Variants in GPD1L observed in about 807,000 individuals in gnomAD.
GPD1L encodes the protein glycerol-3-phosphate dehydrogenase 1-like protein.
Under a neutral mutation model 32.9 loss-of-function variants are expected in GPD1L, and 17 were observed. The ratio of observed to expected loss-of-function variants is 0.52; its 90% CI spans 0.35 to 0.78. GPD1L has a LOEUF of 0.78. Ranked by LOEUF, GPD1L falls within the 30% of genes least tolerant of loss-of-function variation. The probability of loss-of-function intolerance (pLI) is 0.01; values close to 1 mark genes in which losing one functional copy is unlikely to be tolerated. For missense variants in GPD1L, 361 were observed against 447.8 expected (o/e 0.81, Z 1.75); for synonymous variants, 187 against 165.9 (o/e 1.13, Z -0.98).
Position 32,128,251 on chromosome 3 carries a change from G to A in GPD1L, c.223G>A (p.Val75Met), listed in dbSNP as rs752302433. 6.2e-7 allele frequency: 1 copy of A among 1,612,820 alleles called. No homozygotes were observed. Among genetic ancestry groups the A allele is most frequent in the Non-Finnish European group, 8.5e-7 (1 of 1,178,896 alleles). The change falls in exon 2 of 8, where the codon GTG (valine) becomes ATG (methionine). Residue 75 changes from valine to methionine, a missense_variant and splice_region_variant. By Grantham distance (21) the Val-to-Met change is conservative. Transcript: ENST00000282541. ...TCCTGGACACAAGCTGCCAGAAAAT[G>A]TGGTAAGACTTTGGGGTGAAATGTA... ...YLPGHKLPEN[V>M]VAMSNLSEAV...
chr3:32,118,940 T>C (rs1254535999), intron 1 of GPD1L, among the ~76,000 whole-genome samples: 1 of 152,240 alleles, frequency 6.6e-6, no homozygotes, highest in Admixed American at 6.5e-5. Flanking sequence ...TTGTAACGTA[T>C]GTCAGAATTT....
At chr3:32,113,164 C>CT (rs34415495) in intron 1 of GPD1L, among the ~76,000 whole-genome samples, 62,676 of 151,896 alleles carry the variant, frequency 0.41, 14,683 homozygotes, top group East Asian at 0.64. Context: ...ATCCCTTCTC[C>CT]TATAGATATG....
chr3:32,161,218 A>T (rs1701069967), intron 7 of GPD1L, among the ~76,000 whole-genome samples: 1 of 152,160 alleles, frequency 6.6e-6, no homozygotes, highest in South Asian at 2.1e-4. Flanking sequence ...GGAGTTCTGT[A>T]CTGAAAGTTA....
chr3:32,143,973 C>A (rs1408878528), intron 4 of GPD1L, among the ~76,000 whole-genome samples: 1 of 152,088 alleles, frequency 6.6e-6, no homozygotes, highest in Non-Finnish European at 1.5e-5. Flanking sequence ...CAGAGCAAGA[C>A]CTTGTCTCTA....
At chr3:32,163,471 T>C (rs1701102274) in intron 7 of GPD1L, among the ~76,000 whole-genome samples, 1 of 152,182 alleles carries the variant, frequency 6.6e-6, no homozygotes, top group Non-Finnish European at 1.5e-5. Context: ...CCCAGGCCTC[T>C]GGTTTGTCAT....
chr3:32,161,671 C>T (rs1024747263), intron 7 of GPD1L, among the ~76,000 whole-genome samples: 17 of 152,134 alleles, frequency 1.1e-4, no homozygotes, highest in Non-Finnish European at 1.9e-4. Context: ...ACTAGAATTG[C>T]GATTCTGGGG....
At chr3:32,114,697 C>T (rs145357552) in intron 1 of GPD1L, among the ~76,000 whole-genome samples, 9,541 of 151,918 alleles carry the variant, frequency 0.063, 307 homozygotes, top group Middle Eastern at 0.11. Context: ...AATGAAGCCG[C>T]GGACCCTCAC....
At chr3:32,125,379 C>G (rs1002063979) in intron 1 of GPD1L, among the ~76,000 whole-genome samples, 2 of 152,248 alleles carry the variant, frequency 1.3e-5, no homozygotes, top group East Asian at 3.8e-4. Context: ...CAGGCTCACT[C>G]ATGTGTCTGC....
intron 1 of GPD1L, among the ~76,000 whole-genome samples, chr3:32,126,318 A>T (rs1299380989): frequency 6.6e-6 from 1 of 152,228 alleles, no homozygotes; most frequent in African/African-American, 2.4e-5. Context: ...TGTAAAGGGG[A>T]AAGCAAGTGT....
chr3:32,151,031 G>A (rs1171745229), intron 5 of GPD1L: 1 of 267,850 alleles, frequency 3.7e-6, no homozygotes, highest in East Asian at 1.2e-4. Context: ...GCTTCCCAAA[G>A]TGCTGGGGTT....
intron 5 of GPD1L, among the ~76,000 whole-genome samples, 162 bp downstream of exon 5, chr3:32,146,896 C>T (rs969516464): frequency 2.0e-5 from 3 of 152,168 alleles, no homozygotes; most frequent in Non-Finnish European, 2.9e-5. Flanking sequence ...CAGCCTTTCC[C>T]GGGTGGTTCA....
Position 32,128,181 on chromosome 3 carries a change from A to G in GPD1L, c.153A>G (p.Lys51=). 1.2e-6 allele frequency: 2 copies of G among 1,613,120 alleles called. No homozygotes were observed. The highest frequency in any genetic ancestry group is 1.7e-6 in the Non-Finnish European group (2 of 1,179,100). Residue 51 remains lysine (K), a synonymous_variant, in exon 2 of 8, where the codon AAA becomes AAG. Transcript: ENST00000282541. ...WVFEETVNGR[K]LTDIINNDHE... ...TTGAAGAAACAGTGAATGGCAGAAA[A>G]CTGACAGACATCATAAATAATGACC...
chr3:32,168,287 T>G lies in GPD1L; in HGVS notation c.*2377T>G, dbSNP rs187374770. On this transcript the variant is annotated 3_prime_UTR_variant, in exon 8 of 8. Transcript: ENST00000282541. Reference sequence around the variant, plus strand: ...CGAGTTATCTATTTTTATAACCACCTGTGGTCCATTGTTCATTTTAATTCA... The same window carrying G: ...CGAGTTATCTATTTTTATAACCACCGGTGGTCCATTGTTCATTTTAATTCA... 6.5e-6 allele frequency: 1 copy of G among 152,808 alleles called. No individual in the cohort carries two copies. The highest frequency in any genetic ancestry group is 1.9e-4 in the East Asian group (1 of 5,190). The allele number at this position is 152,808 out of a possible 1,614,324, so 9.5% of individuals were successfully genotyped here.
rs767199297 is a variant in GPD1L at position 32,128,248 on chromosome 3, A to T, written c.220A>T (p.Asn74Tyr). ...TCTTCCTGGACACAAGCTGCCAGAA[A>T]ATGTGGTAAGACTTTGGGGTGAAAT... ...KYLPGHKLPE[N>Y]VVAMSNLSEA... Residue 74 changes from asparagine (N) to tyrosine (Y), a missense_variant, in exon 2 of 8, where the codon AAT (asparagine) becomes TAT (tyrosine). Asn to Tyr is a moderately radical substitution (Grantham distance 143). Transcript: ENST00000282541. The T allele has an allele frequency of 6.2e-7, 1 of 1,613,046 alleles. No individual in the cohort carries two copies. Among genetic ancestry groups the T allele is most frequent in the Non-Finnish European group, 8.5e-7 (1 of 1,179,130 alleles).
chr3:32,115,562 A>G (rs76160265), intron 1 of GPD1L, among the ~76,000 whole-genome samples: 2 of 152,170 alleles, frequency 1.3e-5, no homozygotes, highest in East Asian at 1.9e-4. Context: ...AGTGGTTTGC[A>G]TGGGTTATAG....
At position 32,166,252 on chromosome 3, in the gene GPD1L, G is replaced by A; in HGVS notation, c.*342G>A. Reference sequence around the variant, plus strand: ...GAACGATCTCAGCCAAATATTTTAGGTGTAATTCATATGTATTTGAGTGGA... The same window carrying A: ...GAACGATCTCAGCCAAATATTTTAGATGTAATTCATATGTATTTGAGTGGA... On this transcript the variant is annotated 3_prime_UTR_variant, in exon 8 of 8. Coordinates refer to ENST00000282541, the MANE Select transcript of GPD1L (RefSeq NM_015141.4). The A allele has an allele frequency of 2.9e-6, 1 of 344,900 alleles. No individual in the cohort carries two copies. Among genetic ancestry groups the A allele is most frequent in the South Asian group, 2.6e-5 (1 of 38,488 alleles). 21.4% of individuals were successfully genotyped at this position (344,900 alleles called of 1,614,324 possible). A position where few individuals can be genotyped will look rare whatever the true frequency, so the allele number is the denominator to read the frequency against.
intron 1 of GPD1L, among the ~76,000 whole-genome samples, chr3:32,117,784 CT>C (rs1309258821): frequency 6.6e-6 from 1 of 152,216 alleles, no homozygotes; most frequent in African/African-American, 2.4e-5. Flanking sequence ...CAATTTGAGA[CT>C]GTGACTTAGA....
chr3:32,129,337 C>G (rs142425610), intron 2 of GPD1L, among the ~76,000 whole-genome samples: 1 of 152,312 alleles, frequency 6.6e-6, no homozygotes, highest in East Asian at 1.9e-4. Context: ...TGTTGCTTTC[C>G]TCAAGGAACT....
intron 1 of GPD1L, among the ~76,000 whole-genome samples, chr3:32,120,300 G>C (rs1356268062): frequency 6.6e-6 from 1 of 151,972 alleles, no homozygotes; most frequent in Non-Finnish European, 1.5e-5. Flanking sequence ...CCTGGCGACA[G>C]AGTGAGACTC....
Sources: allele counts gnomAD v4.1 joint callset (sites outside exome capture counted in the v4.1 genomes callset), GRCh38; gene constraint gnomAD v4.1.1; transcripts MANE v1.5; gene names NCBI Gene and HGNC (gene_info 2026-07-23, HGNC 2026-07-21).